Variants in ATG4B observed in about 807,000 individuals in gnomAD.
ATG4B encodes cysteine protease ATG4B.
In ATG4B, 29 loss-of-function variants were observed where a neutral mutation model predicts 56.6. The observed-to-expected ratio is 0.51, with a 90% CI of 0.38 to 0.70. The LOEUF (loss-of-function observed/expected upper bound fraction) is 0.70, where lower values mean the gene tolerates loss of function less well. Ranked by LOEUF, ATG4B falls within the 30% of genes least tolerant of loss-of-function variation. ATG4B has a pLI of 0.00. For missense variants in ATG4B, 461 were observed against 515.5 expected (o/e 0.89, Z 1.02); for synonymous variants, 224 against 206.1 (o/e 1.09, Z -0.74).
At position 241,659,204 on chromosome 2, in the gene ATG4B, T is replaced by G. The variant is rs957623977; in HGVS notation, c.538+17T>G. On this transcript the variant is annotated intron_variant, in intron 7 of 12. Coordinates refer to ENST00000404914, the MANE Select transcript of ATG4B (RefSeq NM_013325.5). ...AGGAAATCAGTAAGTGGCTCAGAGT[T>G]TCCATGGACAAGAAAGTTGAAATCA... 1.3e-5 allele frequency: 21 copies of G among 1,609,494 alleles called. No homozygotes were observed. The highest frequency in any genetic ancestry group is 1.8e-5 in the Non-Finnish European group (21 of 1,176,272).
rs1358214728 is a variant in ATG4B, at chr2:241,646,783, T to C, written c.11-4227T>C. On this transcript the variant is annotated intron_variant, in intron 1 of 12. Transcript: ENST00000404914. The stretch of plus-strand genomic sequence containing the variant: ...AGGTAGATTACGTGTATTCAATGCT[T>C]TTTTTTTTTTTTTTTTTGAGACAGA... 4.1e-3 allele frequency among the ~76,000 whole-genome samples: 56 copies of C among 13,820 alleles called. No homozygotes were observed. In the African/African-American group the frequency reaches 0.092, roughly 23 times the overall value. 9.1% of individuals were successfully genotyped at this position (13,820 alleles called of 152,430 possible).
intron 1 of ATG4B, among the ~76,000 whole-genome samples, chr2:241,642,973 C>T (rs2067947684): frequency 6.8e-6 from 1 of 146,686 alleles, no homozygotes; most frequent in East Asian, 2.0e-4. Flanking sequence ...GCCTTCGCCT[C>T]CTGGGTTCAA....
rs2069050621 is a variant in ATG4B, at chr2:241,673,577, T to C, written c.*1313T>C. On this transcript the variant is annotated 3_prime_UTR_variant, in exon 13 of 13. Transcript: ENST00000404914. ...AGGACACCCCCAGCCCCCCAAGCAT[T>C]GAAGACATAGTGTATTTCCTCGTAT... The C allele has an allele frequency of 2.2e-6, 1 of 450,820 alleles. No individual in the cohort carries two copies. The allele number at this position is 450,820 out of a possible 1,614,324, so 27.9% of individuals were successfully genotyped here. A position where few individuals can be genotyped will look rare whatever the true frequency, so the allele number is the denominator to read the frequency against.
intron 11 of ATG4B, 25 bp from the exon 12 acceptor site, chr2:241,671,286 AC>A (rs1226311637): frequency 6.3e-7 from 1 of 1,596,028 alleles, no homozygotes; most frequent in Non-Finnish European, 8.6e-7. Flanking sequence ...GTGAGGCTGC[AC>A]CTAACGGCCA....
intron 3 of ATG4B, chr2:241,652,102 A>G: frequency 1.9e-6 from 1 of 514,938 alleles, no homozygotes; most frequent in Non-Finnish European, 3.3e-6. Flanking sequence ...TGGACATTGG[A>G]GAACACTGAC....
rs1256994841 is a variant in ATG4B, at chr2:241,651,677, A to T, written c.184+342A>T. Among the ~76,000 whole-genome samples, 1 of 152,188 alleles carries T rather than the reference A, an allele frequency of 6.6e-6. No individual in the cohort carries two copies. The highest frequency in any genetic ancestry group is 1.5e-5 in the Non-Finnish European group (1 of 68,032). On this transcript the variant is annotated intron_variant, in intron 3 of 12. Transcript: ENST00000404914. This position sits in a 1 kb window ranked among gnomAD's most constrained non-coding sequence, Gnocchi z 4.1. ...GGGCACGCAGCATGGCGCTTCAGGG[A>T]TCTTCGTTTTCGTTTGCATGTTTGA...
rs1278541915 is a variant in ATG4B, at chr2:241,643,887, A to T, written c.10+6163A>T. ...GAGTGGATATTTTTTCCGAAGTTTG[A>T]CTCCTTTTCTATCAGGAGCTACATG... On this transcript the variant is annotated intron_variant, in intron 1 of 12. Coordinates refer to ENST00000404914, the MANE Select transcript of ATG4B (RefSeq NM_013325.5). Among the ~76,000 whole-genome samples, 5 of 151,800 alleles carry T rather than the reference A, an allele frequency of 3.3e-5. No individual in the cohort carries two copies. The East Asian group carries it at 9.7e-4, about 29-fold the overall frequency.
In ATG4B at chr2:241,673,447, T is replaced by G; in HGVS notation, c.*1183T>G. ...TTCTCATGAGCAGCTACTGCGGCGT[T>G]GGCAGGACTCGCTGCTGCTGCTGCT... On this transcript the variant is annotated 3_prime_UTR_variant, in exon 13 of 13. Transcript: ENST00000404914. 2.5e-6 allele frequency: 1 copy of G among 395,652 alleles called. No individual in the cohort carries two copies. Among genetic ancestry groups the G allele is most frequent in the Non-Finnish European group, 5.2e-6 (1 of 193,842 alleles). The allele number at this position is 395,652 out of a possible 1,614,324, so 24.5% of individuals were successfully genotyped here. A position where few individuals can be genotyped will look rare whatever the true frequency, so the allele number is the denominator to read the frequency against.
intron 6 of ATG4B, 109 bp from the exon 7 acceptor site, chr2:241,658,999 A>G: frequency 1.3e-6 from 1 of 749,856 alleles, no homozygotes; most frequent in African/African-American, 1.8e-5. Context: ...GGCCCTTCTC[A>G]TCCGAGAAGC....
At chr2:241,670,962 C>G (rs1217741594) in intron 11 of ATG4B, among the ~76,000 whole-genome samples, 180 bp downstream of exon 11, 2 of 152,212 alleles carry the variant, frequency 1.3e-5, no homozygotes, top group African/African-American at 2.4e-5. Flanking sequence ...GATTGCCCAT[C>G]TGGCAACACA....
Position 241,663,884 on chromosome 2 carries a change from A to G in ATG4B, c.539-2761A>G, listed in dbSNP as rs187769427. On this transcript the variant is annotated intron_variant, in intron 7 of 12. Transcript: ENST00000404914. The stretch of plus-strand genomic sequence containing the variant: ...TGCAGTGGTGGCACGATCTTGGCTC[A>G]CTGCAATTTCCGCTGCCCAGGTTCA... Among the ~76,000 whole-genome samples, 3 of 150,314 alleles carry G rather than the reference A, an allele frequency of 2.0e-5. No homozygotes were observed. The East Asian group carries it at 5.9e-4, about 30-fold the overall frequency.
chr2:241,669,036 ACCC>A (rs2068873033), intron 10 of ATG4B, among the ~76,000 whole-genome samples: 1 of 109,054 alleles, frequency 9.2e-6, no homozygotes, highest in Non-Finnish European at 2.1e-5. Context: ...CGGCCCCTCC[ACCC>A]ACCCCTGCAC....
chr2:241,661,082 C>T (rs866996317), intron 7 of ATG4B, among the ~76,000 whole-genome samples: 6 of 152,236 alleles, frequency 3.9e-5, no homozygotes, highest in Non-Finnish European at 7.3e-5. Context: ...GCTGCTGAAA[C>T]GTGGCTTGTC....
Position 241,668,578 on chromosome 2 carries a change from C to A in ATG4B, c.850C>A (p.Pro284Thr). The A allele has an allele frequency of 6.2e-7, 1 of 1,608,526 alleles. No homozygotes were observed. Among genetic ancestry groups the A allele is most frequent in the Non-Finnish European group, 8.5e-7 (1 of 1,178,528 alleles). ...CTACCTGGACCCCCACACCACGCAG[C>A]CAGCCGTGGAGCCCACTGATGGCTG... ...LIYLDPHTTQ[P>T]AVEPTDGCFI... The change falls in exon 10 of 13, where the codon CCA (proline) becomes ACA (threonine). Residue 284 changes from proline (P) to threonine (T), a missense_variant. Transcript: ENST00000404914. This position sits in a 1 kb window ranked among gnomAD's most constrained non-coding sequence, Gnocchi z 4.2.
chr2:241,664,762 G>C (rs894140405), intron 7 of ATG4B, among the ~76,000 whole-genome samples: 1 of 152,156 alleles, frequency 6.6e-6, no homozygotes, highest in Non-Finnish European at 1.5e-5. Context: ...TCAGGAGTTC[G>C]AGACCAGCCC....
chr2:241,673,278 C>A lies in ATG4B; in HGVS notation c.*1014C>A. ...TCCAGAACCTCAGCCCCGATTCCAG[C>A]ACCCACCACCGCCTGACCCTGTGTA... On this transcript the variant is annotated 3_prime_UTR_variant, in exon 13 of 13. Transcript: ENST00000404914. 3.0e-6 allele frequency: 1 copy of A among 334,324 alleles called. No individual in the cohort carries two copies. Among genetic ancestry groups the A allele is most frequent in the Non-Finnish European group, 6.0e-6 (1 of 167,368 alleles). 20.7% of individuals were successfully genotyped at this position (334,324 alleles called of 1,614,324 possible).
At chr2:241,658,636 A>G (rs199892086) in intron 6 of ATG4B, among the ~76,000 whole-genome samples, 2 of 148,424 alleles carry the variant, frequency 1.3e-5, no homozygotes, top group Admixed American at 7.0e-5. Context: ...TGGCGTGCAC[A>G]GTCGTGCTTC....
chr2:241,647,862 C>T (rs907787438), intron 1 of ATG4B, among the ~76,000 whole-genome samples: 1 of 151,966 alleles, frequency 6.6e-6, no homozygotes, highest in Non-Finnish European at 1.5e-5. Context: ...GCCTGTAATC[C>T]CAGCACTTTG....
In ATG4B at chr2:241,637,706, A is replaced by T. The variant is rs754566516; in HGVS notation, c.-9A>T. ...GCCGCTCGGGTCAGTCGGCGGCCGGACTGGGAAGATGGACGCAGGTGAGGA... is the reference window on the plus strand; with the variant it reads ...GCCGCTCGGGTCAGTCGGCGGCCGGTCTGGGAAGATGGACGCAGGTGAGGA... On this transcript the variant is annotated 5_prime_UTR_variant, in exon 1 of 13. Coordinates refer to ENST00000404914, the MANE Select transcript of ATG4B (RefSeq NM_013325.5). 1 of 1,583,452 alleles carries T rather than the reference A, an allele frequency of 6.3e-7. No homozygotes were observed. The highest frequency in any genetic ancestry group is 1.4e-5 in the African/African-American group (1 of 71,006).
Sources: allele counts gnomAD v4.1 joint callset (sites outside exome capture counted in the v4.1 genomes callset), GRCh38; gene constraint gnomAD v4.1.1; non-coding constraint Gnocchi (gnomAD v3.1); transcripts MANE v1.5; gene names NCBI Gene and HGNC (gene_info 2026-07-23, HGNC 2026-07-21).